The following ZC3H12B variants were observed in gnomAD, a reference collection of about 807,000 sequenced individuals.
ZC3H12B encodes the protein probable ribonuclease ZC3H12B.
In ZC3H12B, 7 loss-of-function variants were observed where a neutral mutation model predicts 43.9. The ratio of observed to expected loss-of-function variants is 0.16; its 90% CI spans 0.09 to 0.30. ZC3H12B has a LOEUF of 0.30. ZC3H12B is among the 10% of genes least tolerant of loss of function. The pLI, the probability that ZC3H12B is intolerant of heterozygous loss-of-function variation, is 1.00. For synonymous variants in ZC3H12B, 222 were observed against 241.7 expected, an observed-to-expected ratio of 0.92 and a Z score of 0.76; for missense variants, 475 against 670.2, an observed-to-expected ratio of 0.71 and a Z score of 3.22.
At chrX:65,221,043 A>G in the ZC3H12B span, among the ~76,000 whole-genome samples, 1 of 112,007 alleles carries the variant, frequency 8.9e-6, no homozygotes, top group African/African-American at 3.2e-5. Flanking sequence ...CAATTCCAAA[A>G]GGAACCCTCA....
intron 2 of ZC3H12B, among the ~76,000 whole-genome samples, chrX:65,395,562 T>A (rs761517871): frequency 3.6e-5 from 4 of 112,470 alleles, no homozygotes; most frequent in Non-Finnish European, 7.5e-5. Flanking sequence ...GAAGCCAACT[T>A]CATTTGCTGC....
At chrX:65,213,888 AAT>A in the ZC3H12B span, among the ~76,000 whole-genome samples, 1 of 105,745 alleles carries the variant, frequency 9.5e-6, no homozygotes, top group Admixed American at 1.0e-4. Context: ...GTAAAAAAAA[AAT>A]ATATATATAC....
chrX:65,250,611 T>A, the ZC3H12B span, among the ~76,000 whole-genome samples: 5 of 111,902 alleles, frequency 4.5e-5, no homozygotes, highest in Non-Finnish European at 9.4e-5. Flanking sequence ...TTTTCCTGAC[T>A]TTTTAATGAT....
chrX:65,490,379 G>GAAAA (rs1032989325), intron 1 of ZC3H12B, among the ~76,000 whole-genome samples: 134 of 54,956 alleles, frequency 2.4e-3, no homozygotes, highest in African/African-American at 7.9e-3. Flanking sequence ...ACTGTTTCAG[G>GAAAA]AAAAAAAAAA....
At chrX:65,459,240 A>G (rs1348770717) in intron 3 of ZC3H12B, among the ~76,000 whole-genome samples, 2 of 112,157 alleles carry the variant, frequency 1.8e-5, no homozygotes, top group African/African-American at 6.5e-5. Flanking sequence ...AAAAAAGTCC[A>G]GGACCAGATG....
chrX:65,189,051 G>A, the ZC3H12B span, among the ~76,000 whole-genome samples: 1 of 98,944 alleles, frequency 1.0e-5, no homozygotes, highest in African/African-American at 3.8e-5. Flanking sequence ...GCGGTGTTTG[G>A]TTTTTTGTTC....
At chrX:65,159,572 T>C in the ZC3H12B span, among the ~76,000 whole-genome samples, 76 of 111,859 alleles carry the variant, frequency 6.8e-4, no homozygotes, top group Non-Finnish European at 1.2e-3. Context: ...CTGTCTGTTA[T>C]TGGTGTGTAA....
the ZC3H12B span, among the ~76,000 whole-genome samples, chrX:65,254,773 C>A: frequency 9.0e-6 from 1 of 111,392 alleles, no homozygotes; most frequent in Non-Finnish European, 1.9e-5. Flanking sequence ...CACCAAGATT[C>A]TGGAAAAAGT....
chrX:65,134,795 G>T, the ZC3H12B span, among the ~76,000 whole-genome samples: 2 of 111,332 alleles, frequency 1.8e-5, no homozygotes, highest in Non-Finnish European at 3.8e-5. Flanking sequence ...GGTGCTGGCG[G>T]GCTGAGTCTG....
the ZC3H12B span, among the ~76,000 whole-genome samples, chrX:65,270,113 A>C: frequency 3.1e-4 from 35 of 111,805 alleles, 1 homozygote; most frequent in Admixed American, 2.9e-3. Context: ...GAGGCATCAT[A>C]ATTTCTGATT....
chrX:65,353,938 C>A, the ZC3H12B span, among the ~76,000 whole-genome samples: 1 of 112,000 alleles, frequency 8.9e-6, no homozygotes, highest in African/African-American at 3.2e-5. Flanking sequence ...GGCAGGGCAT[C>A]TCAGGAAGAA....
chrX:65,248,127 C>G, the ZC3H12B span, among the ~76,000 whole-genome samples: 1 of 110,705 alleles, frequency 9.0e-6, no homozygotes, highest in Non-Finnish European at 1.9e-5. Context: ...ACTGCAACCT[C>G]TCGATTTCGA....
chrX:65,305,568 C>T, the ZC3H12B span, among the ~76,000 whole-genome samples: 2 of 112,005 alleles, frequency 1.8e-5, no homozygotes, highest in Non-Finnish European at 3.8e-5. Context: ...TCCCACTCTT[C>T]TTTTTCCTTT....
the ZC3H12B span, among the ~76,000 whole-genome samples, chrX:65,050,183 C>G: frequency 2.7e-5 from 3 of 110,987 alleles, no homozygotes; most frequent in South Asian, 7.4e-4. Context: ...ATTGAAAATA[C>G]AATTGTCCTG....
chrX:65,335,217 A>G, the ZC3H12B span, among the ~76,000 whole-genome samples: 4 of 111,981 alleles, frequency 3.6e-5, no homozygotes, highest in Admixed American at 2.8e-4. Flanking sequence ...TTCATAAGGA[A>G]GACAGAGGAT....
At chrX:65,097,816 A>T in the ZC3H12B span, among the ~76,000 whole-genome samples, 75 of 111,802 alleles carry the variant, frequency 6.7e-4, no homozygotes, top group African/African-American at 2.1e-3. Flanking sequence ...TACTTTTAAT[A>T]AGTCATTTTG....
chrX:65,057,551 A>G, the ZC3H12B span, among the ~76,000 whole-genome samples: 1 of 111,018 alleles, frequency 9.0e-6, no homozygotes, highest in Admixed American at 9.6e-5. Flanking sequence ...GAATCTGACA[A>G]TTATCTGTCT....
At chrX:65,398,940 C>T (rs376533735) in intron 3 of ZC3H12B, among the ~76,000 whole-genome samples, 1 of 111,824 alleles carries the variant, frequency 8.9e-6, no homozygotes, top group East Asian at 2.8e-4. Flanking sequence ...ACTGTCTCTT[C>T]AGTAAGTGGT....
At chrX:65,450,984 T>C (rs1166339349) in intron 3 of ZC3H12B, among the ~76,000 whole-genome samples, 1 of 105,196 alleles carries the variant, frequency 9.5e-6, no homozygotes, top group Non-Finnish European at 1.9e-5. Context: ...AATTCTTTTG[T>C]TCATCCAGGC....
Sources: allele counts gnomAD v4.1 joint callset (sites outside exome capture counted in the v4.1 genomes callset), GRCh38; gene constraint gnomAD v4.1.1; transcripts MANE v1.5; gene names NCBI Gene and HGNC (gene_info 2026-07-23, HGNC 2026-07-21).